Variants in LRRC28 observed in about 807,000 individuals in gnomAD.
LRRC28 encodes the protein leucine rich repeat containing 28.
In LRRC28, 39 loss-of-function variants were observed where a neutral mutation model predicts 45.7. That is an observed-to-expected ratio of 0.85 (90% CI 0.66 to 1.12). The LOEUF (loss-of-function observed/expected upper bound fraction) is 1.12. LRRC28 is among the 50% of genes most tolerant of loss of function. The probability of loss-of-function intolerance (pLI) is 0.00; values close to 1 mark genes in which losing one functional copy is unlikely to be tolerated. For missense variants in LRRC28, 435 were observed against 438.5 expected, an observed-to-expected ratio of 0.99 and a Z score of 0.07; for synonymous variants, 206 against 178.8, an observed-to-expected ratio of 1.15 and a Z score of -1.22.
chr15:99,380,085 A>G (rs1957771613), intron 9 of LRRC28, among the ~76,000 whole-genome samples: 1 of 152,096 alleles, frequency 6.6e-6, no homozygotes, highest in African/African-American at 2.4e-5. Flanking sequence ...CAATTCCTGG[A>G]TATCCTTGTT....
At chr15:99,282,556 C>A (rs1383675212) in intron 3 of LRRC28, among the ~76,000 whole-genome samples, 1 of 152,122 alleles carries the variant, frequency 6.6e-6, no homozygotes, top group Non-Finnish European at 1.5e-5. Context: ...TTTAGATACA[C>A]AAATACATCG....
intron 5 of LRRC28, among the ~76,000 whole-genome samples, chr15:99,290,124 G>A (rs1427229543): frequency 1.3e-5 from 2 of 151,500 alleles, no homozygotes; most frequent in African/African-American, 4.9e-5. Context: ...CGGGTGTGGT[G>A]GCATTGTGCC....
Position 99,315,982 on chromosome 15 carries a change from G to A in LRRC28, c.386-17941G>A, listed in dbSNP as rs146307715. Among the ~76,000 whole-genome samples the A allele has an allele frequency of 2.7e-3, 406 of 152,204 alleles. 5 individuals carry two copies. The highest frequency in any genetic ancestry group is 9.0e-3 in the African/African-American group (372 of 41,534). On this transcript the variant is annotated intron_variant, in intron 5 of 9. Coordinates refer to ENST00000301981, the MANE Select transcript of LRRC28 (RefSeq NM_144598.5). Reference sequence around the variant, plus strand: ...AATTCTTATTTTAAATTATGAATTCGTAACAAAAAGCATCATACATTTTAA... The same window carrying A: ...AATTCTTATTTTAAATTATGAATTCATAACAAAAAGCATCATACATTTTAA...
At chr15:99,301,803 A>C (rs564700149) in intron 5 of LRRC28, among the ~76,000 whole-genome samples, 55 of 152,288 alleles carry the variant, frequency 3.6e-4, no homozygotes, top group Non-Finnish European at 6.8e-4. Flanking sequence ...TTAAATTTCT[A>C]ACTACTTCTA....
chr15:99,356,540 C>G (rs1957052144), intron 7 of LRRC28, among the ~76,000 whole-genome samples: 1 of 152,116 alleles, frequency 6.6e-6, no homozygotes, highest in African/African-American at 2.4e-5. Context: ...AACACAGCAT[C>G]AGGGACCTGC....
chr15:99,259,459 T>C, intron 2 of LRRC28: 1 of 1,238,692 alleles, frequency 8.1e-7, no homozygotes, highest in Non-Finnish European at 1.2e-6. Context: ...AGAAAGAATT[T>C]GAGCCTCTGC....
chr15:99,376,288 T>C (rs962495318), intron 9 of LRRC28, among the ~76,000 whole-genome samples: 10 of 152,150 alleles, frequency 6.6e-5, no homozygotes, highest in African/African-American at 2.4e-4. Context: ...TTGAAGATTT[T>C]CCTCTTGTCT....
chr15:99,285,138 A>G (rs1334082480), intron 3 of LRRC28: 61 of 719,380 alleles, frequency 8.5e-5, no homozygotes, highest in Non-Finnish European at 2.6e-5. Flanking sequence ...TTACAAAATC[A>G]AAGCCCCTTT....
rs1287842532 is a variant in LRRC28 at position 99,386,870 on chromosome 15, A to C, written c.*768A>C. 6.6e-6 allele frequency: 1 copy of C among 152,180 alleles called. No homozygotes were observed. Among genetic ancestry groups the C allele is most frequent in the Non-Finnish European group, 1.5e-5 (1 of 68,020 alleles). The allele number at this position is 152,180 out of a possible 1,614,324, so 9.4% of individuals were successfully genotyped here. On this transcript the variant is annotated 3_prime_UTR_variant, in exon 10 of 10. Transcript: ENST00000301981. ...TTTTTATATGAGAAGAATTTGAGGA[A>C]TATTTGAAGCTTTACAAGATCTGAT...
chr15:99,259,812 A>C (rs1257598523), intron 2 of LRRC28: 1 of 906,730 alleles, frequency 1.1e-6, no homozygotes, highest in African/African-American at 1.6e-5. Context: ...GTCTTTTACC[A>C]GACACTAAAG....
At chr15:99,341,356 T>C (rs1956506302) in intron 6 of LRRC28, among the ~76,000 whole-genome samples, 1 of 152,120 alleles carries the variant, frequency 6.6e-6, no homozygotes, top group Non-Finnish European at 1.5e-5. Flanking sequence ...CCTCCCAAAG[T>C]GCTGGGATTA....
At chr15:99,360,769 G>A (rs1957178550) in intron 7 of LRRC28, among the ~76,000 whole-genome samples, 1 of 152,208 alleles carries the variant, frequency 6.6e-6, no homozygotes, top group African/African-American at 2.4e-5. Context: ...GGACATCTCT[G>A]CCTTCTGGTT....
chr15:99,361,567 T>C lies in LRRC28; in HGVS notation c.871+56T>C, dbSNP rs549254615. ...CTCTCTCATTTAGTGAACATTGTGC[T>C]TGGTGCACCTGTTTTGGCGTTCATC... On this transcript the variant is annotated intron_variant, in intron 8 of 9. Coordinates refer to ENST00000301981, the MANE Select transcript of LRRC28 (RefSeq NM_144598.5). 8.7e-6 allele frequency: 13 copies of C among 1,490,198 alleles called. No individual in the cohort carries two copies. The South Asian group carries it at 1.4e-4, about 16-fold the overall frequency. The allele number at this position is 1,490,198 out of a possible 1,614,324, so 92.3% of individuals were successfully genotyped here. A position where few individuals can be genotyped will look rare whatever the true frequency, so the allele number is the denominator to read the frequency against.
chr15:99,368,203 C>T (rs142096112), intron 9 of LRRC28, among the ~76,000 whole-genome samples: 2 of 152,306 alleles, frequency 1.3e-5, no homozygotes, highest in African/African-American at 2.4e-5. Context: ...TTCAAAATCT[C>T]ATCTTAAATA....
At position 99,386,133 on chromosome 15, in the gene LRRC28, A is replaced by G. The variant is rs1200629016; in HGVS notation, c.*31A>G. 6.4e-7 allele frequency: 1 copy of G among 1,570,560 alleles called. No homozygotes were observed. Among genetic ancestry groups the G allele is most frequent in the African/African-American group, 1.4e-5 (1 of 74,046 alleles). On this transcript the variant is annotated 3_prime_UTR_variant, in exon 10 of 10. Transcript: ENST00000301981. ...ACTCAAGAACCTCAGGAGCGCTGCC[A>G]GCTTGACACTGGGGAATCCAGCCAG...
intron 1 of LRRC28, among the ~76,000 whole-genome samples, chr15:99,255,292 G>C (rs1266360425): frequency 2.0e-5 from 3 of 151,932 alleles, no homozygotes; most frequent in African/African-American, 7.3e-5. Flanking sequence ...CAGGAGTTGA[G>C]GCTACAGTGA....
Position 99,287,888 on chromosome 15 carries a change from G to C in LRRC28, c.322G>C (p.Gly108Arg). Residue 108 changes from glycine to arginine, a missense_variant, in exon 5 of 10, where the codon GGT (glycine) becomes CGT (arginine). Coordinates refer to ENST00000301981, the MANE Select transcript of LRRC28 (RefSeq NM_144598.5). ...CTTAGAAATTGTTTGCCCAGAAATT[G>C]GTCGTCTGAGAGCTTTACGTCATCT... Reference protein sequence around the residue: ...NALEIVCPEIGRLRALRHLRL... With the variant: ...NALEIVCPEIRRLRALRHLRL... The C allele has an allele frequency of 1.2e-6, 2 of 1,613,724 alleles. No homozygotes were observed. Among genetic ancestry groups the C allele is most frequent in the Non-Finnish European group, 1.7e-6 (2 of 1,179,806 alleles).
At chr15:99,308,747 T>C (rs1249075268) in intron 5 of LRRC28, among the ~76,000 whole-genome samples, 3 of 152,188 alleles carry the variant, frequency 2.0e-5, no homozygotes, top group Non-Finnish European at 4.4e-5. Flanking sequence ...CATAACAAAT[T>C]ACCACAAAGT....
intron 5 of LRRC28, among the ~76,000 whole-genome samples, chr15:99,292,357 G>GTTTT (rs1185881514): frequency 1.1e-5 from 1 of 89,684 alleles, no homozygotes; most frequent in South Asian, 5.0e-4. Context: ...TAATCGTACA[G>GTTTT]TCTTTTTTTT....
Sources: allele counts gnomAD v4.1 joint callset (sites outside exome capture counted in the v4.1 genomes callset), GRCh38; gene constraint gnomAD v4.1.1; transcripts MANE v1.5; gene names NCBI Gene and HGNC (gene_info 2026-07-23, HGNC 2026-07-21).